PRR23A: variants seen among roughly 807,000 people sequenced by gnomAD.
PRR23A encodes the protein proline-rich protein 23A.
For synonymous variants in PRR23A, 161 were observed against 170.6 expected (o/e 0.94, Z 0.44); for missense variants, 342 against 372.7 (o/e 0.92, Z 0.68).
At position 139,005,426 on chromosome 3, in the gene PRR23A, A is replaced by G; in HGVS notation, c.*42T>C. 1 of 1,454,790 alleles carries G rather than the reference A, an allele frequency of 6.9e-7. No individual in the cohort carries two copies. The highest frequency in any genetic ancestry group is 1.8e-4 in the Middle Eastern group (1 of 5,544). The allele number at this position is 1,454,790 out of a possible 1,614,324, so 90.1% of individuals were successfully genotyped here. On this transcript the variant is annotated 3_prime_UTR_variant, in exon 1 of 1. Transcript: ENST00000383163. ...CCTCACAGTGAGTCTTGGAGGATCC[A>G]CAAGAACCCGCAGCCGGTGGCAAGG... is the stretch of plus-strand genomic sequence containing the variant.
chr3:139,004,733 G>C lies in PRR23A; in HGVS notation c.*735C>G, dbSNP rs1404275807. On this transcript the variant is annotated 3_prime_UTR_variant, in exon 1 of 1. Transcript: ENST00000383163. ...GACTGCAGGTGATCCACACGCCTCG[G>C]CCTCCCAAAGTGCTGGGATTACAGG... Among the ~76,000 whole-genome samples, 2 of 152,172 alleles carry C rather than the reference G, an allele frequency of 1.3e-5. No homozygotes were observed. Among genetic ancestry groups the C allele is most frequent in the Non-Finnish European group, 2.9e-5 (2 of 68,030 alleles).
rs1028568744 is a variant in PRR23A at position 139,004,797 on chromosome 3, A to G, written c.*671T>C. On this transcript the variant is annotated 3_prime_UTR_variant, in exon 1 of 1. Coordinates refer to ENST00000383163, the MANE Select transcript of PRR23A (RefSeq NM_001134659.1). The stretch of plus-strand genomic sequence containing the variant: ...GCCCGGCCCTTAAATTCTTATTTGC[A>G]GAAACACTTCCAAAAGGTCCAGTGC... Among the ~76,000 whole-genome samples, 4 of 152,222 alleles carry G rather than the reference A, an allele frequency of 2.6e-5. No individual in the cohort carries two copies. Among genetic ancestry groups the G allele is most frequent in the African/African-American group, 7.2e-5 (3 of 41,460 alleles).
At position 139,005,513 on chromosome 3, in the gene PRR23A, C is replaced by T. The variant is rs745642118; in HGVS notation, c.756G>A (p.Pro252=). The T allele has an allele frequency of 2.3e-5, 34 of 1,496,130 alleles. No homozygotes were observed. The highest frequency in any genetic ancestry group is 4.9e-5 in the East Asian group (2 of 40,778). The allele number at this position is 1,496,130 out of a possible 1,614,324, so 92.7% of individuals were successfully genotyped here. A position where few individuals can be genotyped will look rare whatever the true frequency, so the allele number is the denominator to read the frequency against. Residue 252 remains proline (P), a synonymous_variant, in exon 1 of 1, where the codon CCG becomes CCA. Transcript: ENST00000383163. Reference sequence around the variant, plus strand: ...TGCGGGCCTTGCACGGAGGGCGTTTCGGGAGCGGCGGGTGCGCGTGGGGAC... The same window carrying T: ...TGCGGGCCTTGCACGGAGGGCGTTTTGGGAGCGGCGGGTGCGCGTGGGGAC... The part of the protein sequence containing the change: ...SPGPHAHPPL[P]KRPPCKARRR...
rs1010187 is a variant in PRR23A at position 139,005,331 on chromosome 3, C to T, written c.*137G>A. The T allele has an allele frequency of 2.7e-4, 220 of 829,770 alleles. 1 individual carries two copies. The highest frequency in any genetic ancestry group is 1.9e-3 in the South Asian group (73 of 38,078). The allele number at this position is 829,770 out of a possible 1,614,324, so 51.4% of individuals were successfully genotyped here. A position where few individuals can be genotyped will look rare whatever the true frequency, so the allele number is the denominator to read the frequency against. On this transcript the variant is annotated 3_prime_UTR_variant, in exon 1 of 1. Coordinates refer to ENST00000383163, the MANE Select transcript of PRR23A (RefSeq NM_001134659.1). Reference sequence around the variant, plus strand: ...GCCAGCCAGCCAACCAACCAACCCACCCAAACAACAGTAATCCAACTGCCC... The same window carrying T: ...GCCAGCCAGCCAACCAACCAACCCATCCAAACAACAGTAATCCAACTGCCC...
At position 139,006,103 on chromosome 3, in the gene PRR23A, C is replaced by T. The variant is rs762874670; in HGVS notation, c.166G>A (p.Ala56Thr). Reference protein sequence around the residue: ...EDPAGTPAVGALTSIVVLAAG... With the variant: ...EDPAGTPAVGTLTSIVVLAAG... Reference sequence around the variant, plus strand: ...GCCAGGACCACTATGGAGGTGAGCGCGCCCACGGCCGGGGTACCCGCCGGG... The same window carrying T: ...GCCAGGACCACTATGGAGGTGAGCGTGCCCACGGCCGGGGTACCCGCCGGG... The change falls in exon 1 of 1, where the codon GCG (alanine) becomes ACG (threonine). Residue 56 changes from alanine to threonine, a missense_variant. Transcript: ENST00000383163. 1.3e-6 allele frequency: 2 copies of T among 1,554,860 alleles called. No individual in the cohort carries two copies. Among genetic ancestry groups the T allele is most frequent in the East Asian group, 2.4e-5 (1 of 41,592 alleles).
Position 139,005,363 on chromosome 3 carries a change from G to T in PRR23A, c.*105C>A. On this transcript the variant is annotated 3_prime_UTR_variant, in exon 1 of 1. Coordinates refer to ENST00000383163, the MANE Select transcript of PRR23A (RefSeq NM_001134659.1). Reference sequence around the variant, plus strand: ...AACAGTAATCCAACTGCCCGCTGTCGATGAATGAAGATGCTGCATTTCCGG... The same window carrying T: ...AACAGTAATCCAACTGCCCGCTGTCTATGAATGAAGATGCTGCATTTCCGG... 9.6e-7 allele frequency: 1 copy of T among 1,044,404 alleles called. No individual in the cohort carries two copies. Among genetic ancestry groups the T allele is most frequent in the Non-Finnish European group, 1.3e-6 (1 of 749,646 alleles). The allele number at this position is 1,044,404 out of a possible 1,614,324, so 64.7% of individuals were successfully genotyped here.
chr3:139,005,101 A>G lies in PRR23A; in HGVS notation c.*367T>C, dbSNP rs1936756458. On this transcript the variant is annotated 3_prime_UTR_variant, in exon 1 of 1. Transcript: ENST00000383163. ...AAAACTGAAGGGAGCTTTAAGCAAG[A>G]GTAGGGGTGAAACTGAGGATACAGT... 6.6e-6 allele frequency among the ~76,000 whole-genome samples: 1 copy of G among 152,208 alleles called. No homozygotes were observed. Among genetic ancestry groups the G allele is most frequent in the South Asian group, 2.1e-4 (1 of 4,830 alleles).
At position 139,005,639 on chromosome 3, in the gene PRR23A, G is replaced by A. The variant is rs931398074; in HGVS notation, c.630C>T (p.His210=). 5.6e-6 allele frequency: 9 copies of A among 1,613,440 alleles called. No homozygotes were observed. Among genetic ancestry groups the A allele is most frequent in the African/African-American group, 5.3e-5 (4 of 74,876 alleles). The change falls in exon 1 of 1, where the codon CAC becomes CAT. Residue 210 remains histidine, a synonymous_variant. Coordinates refer to ENST00000383163, the MANE Select transcript of PRR23A (RefSeq NM_001134659.1). The stretch of plus-strand genomic sequence containing the variant: ...CCGGGTCGAAGAAGGGGCCTGGAGA[G>A]TGTCCCTCTGAACTGGGGTTGGGGG... ...ALAPNPSSEG[H]SPGPFFDPEF... is the part of the protein sequence containing the mutation.
Position 139,006,147 on chromosome 3 carries a change from A to C in PRR23A, c.122T>G (p.Val41Gly), listed in dbSNP as rs1366227778. Residue 41 changes from valine to glycine, a missense_variant, in exon 1 of 1, where the codon GTG (valine) becomes GGG (glycine). By Grantham distance (109) the Val-to-Gly change is moderately radical. Transcript: ENST00000383163. Reference protein sequence around the residue: ...LEEPAGPEPRVAPSLEDPAGT... With the variant: ...LEEPAGPEPRGAPSLEDPAGT... ...CGCCGGGTCTTCCAGGCTGGGCGCC[A>C]CGCGGGGTTCGGGGCCCGCGGGCTC... 3.9e-6 allele frequency: 6 copies of C among 1,543,156 alleles called. No homozygotes were observed. The highest frequency in any genetic ancestry group is 1.4e-5 in the African/African-American group (1 of 72,760).
In PRR23A at chr3:139,005,933, T is replaced by G; in HGVS notation, c.336A>C (p.Ser112=). Residue 112 remains serine (S), a synonymous_variant, in exon 1 of 1, where the codon TCA becomes TCC. Transcript: ENST00000383163. ...EVLLSSVDER[S]GAQDDSSAGL... is the part of the protein sequence containing the mutation. ...CAGCAGACGAGTCGTCCTGCGCTCC[T>G]GAGCGTTCGTCGACAGAGCTCAGGA... The G allele has an allele frequency of 1.2e-6, 2 of 1,613,892 alleles. No individual in the cohort carries two copies. Among genetic ancestry groups the G allele is most frequent in the Non-Finnish European group, 1.7e-6 (2 of 1,179,912 alleles).
Position 139,004,256 on chromosome 3 carries a change from T to C in PRR23A, c.*1212A>G, listed in dbSNP as rs542414972. Reference sequence around the variant, plus strand: ...ATGGACTCAAGAGCATGAAAAAAACTCTCAAAAATAAATTAGACCAAATGT... The same window carrying C: ...ATGGACTCAAGAGCATGAAAAAAACCCTCAAAAATAAATTAGACCAAATGT... On this transcript the variant is annotated 3_prime_UTR_variant, in exon 1 of 1. Transcript: ENST00000383163. 1.3e-5 allele frequency among the ~76,000 whole-genome samples: 2 copies of C among 151,942 alleles called. No homozygotes were observed. The highest frequency in any genetic ancestry group is 4.8e-5 in the African/African-American group (2 of 41,424).
rs1321459704 is a variant in PRR23A, at chr3:139,004,747, T to C, written c.*721A>G. 6.6e-6 allele frequency among the ~76,000 whole-genome samples: 1 copy of C among 152,250 alleles called. No homozygotes were observed. Among genetic ancestry groups the C allele is most frequent in the African/African-American group, 2.4e-5 (1 of 41,472 alleles). On this transcript the variant is annotated 3_prime_UTR_variant, in exon 1 of 1. Transcript: ENST00000383163. ...CACACGCCTCGGCCTCCCAAAGTGC[T>C]GGGATTACAGGCGTGAGCCATCGCG...
rs1272920944 is a variant in PRR23A, at chr3:139,005,503, G to C, written c.766C>G (p.Pro256Ala). 3.2e-6 allele frequency: 5 copies of C among 1,558,594 alleles called. No homozygotes were observed. The African/African-American group carries it at 5.6e-5, about 17-fold the overall frequency. The change falls in exon 1 of 1, where the codon CCG (proline) becomes GCG (alanine). Residue 256 changes from proline (P) to alanine (A), a missense_variant. Pro to Ala is a conservative substitution (Grantham distance 27). Transcript: ENST00000383163. ...AACAGTCGTCTGCGGGCCTTGCACG[G>C]AGGGCGTTTCGGGAGCGGCGGGTGC... Reference protein sequence around the residue: ...HAHPPLPKRPPCKARRRLFQE With the variant: ...HAHPPLPKRPACKARRRLFQE
Position 139,005,464 on chromosome 3 carries a change from C to G in PRR23A, c.*4G>C, listed in dbSNP as rs180686917. 7.3e-4 allele frequency: 1,092 copies of G among 1,499,120 alleles called. 9 individuals are homozygous for G. The African/African-American group carries it at 0.013, about 18-fold the overall frequency. 92.9% of individuals were successfully genotyped at this position (1,499,120 alleles called of 1,614,324 possible). ...GCCGGTGGCAAGGGATTGTGGGAAG[C>G]AGTTCATTCCTGGAACAGTCGTCTG... On this transcript the variant is annotated 3_prime_UTR_variant, in exon 1 of 1. Transcript: ENST00000383163.
In PRR23A at chr3:139,005,807, C is replaced by T. The variant is rs757538898; in HGVS notation, c.462G>A (p.Glu154=). The T allele has an allele frequency of 1.1e-5, 17 of 1,613,948 alleles. No homozygotes were observed. The highest frequency in any genetic ancestry group is 6.7e-5 in the Admixed American group (4 of 60,024). ...CGGGGTCCGCGTCCTCCTCGTAGGCCTCTTCCTGGGCGGCGATCTCTGGGA... is the reference window on the plus strand; with the variant it reads ...CGGGGTCCGCGTCCTCCTCGTAGGCTTCTTCCTGGGCGGCGATCTCTGGGA... ...ASVPEIAAQE[E]AYEEDADPEF... The change falls in exon 1 of 1, where the codon GAG becomes GAA. Residue 154 remains glutamate (E), a synonymous_variant. Coordinates refer to ENST00000383163, the MANE Select transcript of PRR23A (RefSeq NM_001134659.1).
rs1936742874 is a variant in PRR23A at position 139,004,259 on chromosome 3, C to A, written c.*1209G>T. ...GACTCAAGAGCATGAAAAAAACTCTCAAAAATAAATTAGACCAAATGTCCA... is the reference window on the plus strand; with the variant it reads ...GACTCAAGAGCATGAAAAAAACTCTAAAAAATAAATTAGACCAAATGTCCA... On this transcript the variant is annotated 3_prime_UTR_variant, in exon 1 of 1. Transcript: ENST00000383163. Among the ~76,000 whole-genome samples, 1 of 151,994 alleles carries A rather than the reference C, an allele frequency of 6.6e-6. No individual in the cohort carries two copies. The highest frequency in any genetic ancestry group is 1.5e-5 in the Non-Finnish European group (1 of 67,988).
chr3:139,006,098 G>A lies in PRR23A; in HGVS notation c.171C>T (p.Leu57=). 6.4e-7 allele frequency: 1 copy of A among 1,565,760 alleles called. No individual in the cohort carries two copies. The highest frequency in any genetic ancestry group is 8.6e-7 in the Non-Finnish European group (1 of 1,157,344). The change falls in exon 1 of 1, where the codon CTC becomes CTT. Residue 57 remains leucine, a synonymous_variant. Transcript: ENST00000383163. ...DPAGTPAVGA[L]TSIVVLAAGC... The stretch of plus-strand genomic sequence containing the variant: ...CCGCGGCCAGGACCACTATGGAGGT[G>A]AGCGCGCCCACGGCCGGGGTACCCG...
In PRR23A at chr3:139,005,956, G is replaced by C. The variant is rs753723162; in HGVS notation, c.313C>G (p.Leu105Val). Reference protein sequence around the residue: ...HTLILIPEVLLSSVDERSGAQ... With the variant: ...HTLILIPEVLVSSVDERSGAQ... The stretch of plus-strand genomic sequence containing the variant: ...CCTGAGCGTTCGTCGACAGAGCTCA[G>C]GAGGACCTCTGGGATCAGGATGAGG... Residue 105 changes from leucine (L) to valine (V), a missense_variant, in exon 1 of 1, where the codon CTG becomes GTG. Physicochemically the swap from Leu to Val is conservative, Grantham distance 32 (BLOSUM62 1). Coordinates refer to ENST00000383163, the MANE Select transcript of PRR23A (RefSeq NM_001134659.1). 6.2e-7 allele frequency: 1 copy of C among 1,614,052 alleles called. No homozygotes were observed. The highest frequency in any genetic ancestry group is 1.1e-5 in the South Asian group (1 of 91,038).
At position 139,005,050 on chromosome 3, in the gene PRR23A, T is replaced by TA. The variant is rs564701976; in HGVS notation, c.*417dup. Among the ~76,000 whole-genome samples the TA allele has an allele frequency of 8.0e-3, 1,188 of 149,354 alleles. 9 individuals are homozygous for TA. Among genetic ancestry groups the TA allele is most frequent in the African/African-American group, 0.011 (457 of 40,646 alleles). ...AGAACGGATAGGTGTATGGAAGTGA[T>TA]AAAAAAAAAGGGGGGAATTTTAAAG... On this transcript the variant is annotated 3_prime_UTR_variant, in exon 1 of 1. Transcript: ENST00000383163.
Sources: allele counts gnomAD v4.1 joint callset (sites outside exome capture counted in the v4.1 genomes callset), GRCh38; gene constraint gnomAD v4.1.1; transcripts MANE v1.5; gene names NCBI Gene and HGNC (gene_info 2026-07-23, HGNC 2026-07-21).